The following FAF1 variants were observed in gnomAD, a reference collection of about 807,000 sequenced individuals.
FAF1 encodes the protein FAS-associated factor 1.
A neutral mutation model predicts 92.5 loss-of-function variants in FAF1; 25 were observed. The observed-to-expected ratio is 0.27, with a 90% CI of 0.20 to 0.38. The LOEUF is 0.38. Ranked by LOEUF, FAF1 falls within the 10% of genes least tolerant of loss-of-function variation. The pLI, the probability that FAF1 is intolerant of heterozygous loss-of-function variation, is 1.00. For missense variants in FAF1, 636 were observed against 793.3 expected, an observed-to-expected ratio of 0.80 and a Z score of 2.38; for synonymous variants, 234 against 273.2, an observed-to-expected ratio of 0.86 and a Z score of 1.42.
chr1:50,620,496 T>C (rs1329727878), intron 8 of FAF1, among the ~76,000 whole-genome samples: 3 of 152,248 alleles, frequency 2.0e-5, no homozygotes, highest in Non-Finnish European at 4.4e-5. Context: ...GTTTCAATTT[T>C]CTCCTGAATC....
At chr1:50,520,814 CA>C (rs1165168295) in intron 15 of FAF1, among the ~76,000 whole-genome samples, 1 of 152,146 alleles carries the variant, frequency 6.6e-6, no homozygotes, top group Admixed American at 6.5e-5. Flanking sequence ...CACTGCACTC[CA>C]GCATGAGCAA....
At chr1:50,842,273 T>C (rs1644262126) in intron 2 of FAF1, among the ~76,000 whole-genome samples, 1 of 151,934 alleles carries the variant, frequency 6.6e-6, no homozygotes. Context: ...GCCCAAATGG[T>C]GTAAGGGAGG....
At chr1:50,954,291 T>C (rs1481131190) in intron 1 of FAF1, among the ~76,000 whole-genome samples, 1 of 152,166 alleles carries the variant, frequency 6.6e-6, no homozygotes, top group Admixed American at 6.5e-5. Context: ...ATATTACTAC[T>C]AGTGAGAGTT....
At chr1:50,519,658 GAAATATCT>G (rs1647404027) in intron 15 of FAF1, among the ~76,000 whole-genome samples, 1 of 152,152 alleles carries the variant, frequency 6.6e-6, no homozygotes, top group Non-Finnish European at 1.5e-5. Flanking sequence ...TTGTTAAAGT[GAAATATCT>G]AATCTGAAAT....
At chr1:50,572,792 G>C (rs1650506575) in intron 12 of FAF1, among the ~76,000 whole-genome samples, 1 of 152,200 alleles carries the variant, frequency 6.6e-6, no homozygotes, top group Non-Finnish European at 1.5e-5. Context: ...GTAATGAGTA[G>C]TAATAGAGGA....
intron 12 of FAF1, among the ~76,000 whole-genome samples, chr1:50,581,985 G>C (rs745451022): frequency 2.0e-5 from 3 of 147,922 alleles, no homozygotes; most frequent in Non-Finnish European, 4.4e-5. Context: ...CTTGTTATGG[G>C]CTTCTTCTTA....
chr1:50,615,704 T>C (rs1652884320), intron 8 of FAF1, among the ~76,000 whole-genome samples: 1 of 152,208 alleles, frequency 6.6e-6, no homozygotes, highest in Non-Finnish European at 1.5e-5. Flanking sequence ...CATTTTTTAA[T>C]GGGCTTGTTT....
chr1:50,630,826 A>ATTTTTT (rs1471050080), intron 8 of FAF1, among the ~76,000 whole-genome samples: 10 of 125,344 alleles, frequency 8.0e-5, no homozygotes, highest in East Asian at 2.1e-4. Context: ...AGTGTATCAT[A>ATTTTTT]TCTTTTTTTT....
chr1:50,506,908 C>T (rs912473873), intron 15 of FAF1, among the ~76,000 whole-genome samples: 29 of 152,162 alleles, frequency 1.9e-4, no homozygotes, highest in African/African-American at 7.0e-4. Flanking sequence ...AATGTTCTTG[C>T]TTTACCTTCT....
chr1:50,504,236 T>C (rs981909565), intron 15 of FAF1, among the ~76,000 whole-genome samples: 1 of 151,212 alleles, frequency 6.6e-6, no homozygotes, highest in Non-Finnish European at 1.5e-5. Flanking sequence ...ATGTGGAAGA[T>C]ACAGTCAAGA....
chr1:50,781,598 T>C (rs1661181925), intron 4 of FAF1, among the ~76,000 whole-genome samples: 1 of 152,106 alleles, frequency 6.6e-6, no homozygotes, highest in Non-Finnish European at 1.5e-5. Context: ...AATAGAAATA[T>C]CCAGACCAGA....
intron 4 of FAF1, among the ~76,000 whole-genome samples, chr1:50,749,269 C>T (rs1301609924): frequency 6.6e-6 from 1 of 152,166 alleles, no homozygotes; most frequent in Non-Finnish European, 1.5e-5. Context: ...AACCAATCTC[C>T]AAGACCTGAC....
At chr1:50,913,459 C>A (rs1392394901) in intron 1 of FAF1, among the ~76,000 whole-genome samples, 7 of 152,168 alleles carry the variant, frequency 4.6e-5, no homozygotes, top group African/African-American at 1.7e-4. Context: ...AAAGCCACAA[C>A]ACCAAAGGGC....
At chr1:50,799,497 C>T (rs1234367034) in intron 3 of FAF1, among the ~76,000 whole-genome samples, 1 of 151,582 alleles carries the variant, frequency 6.6e-6, no homozygotes, top group African/African-American at 2.4e-5. Context: ...ACTGGCTCTT[C>T]TTTCTCTTAA....
At chr1:50,759,322 C>A (rs1229578263) in intron 4 of FAF1, among the ~76,000 whole-genome samples, 1 of 129,476 alleles carries the variant, frequency 7.7e-6, no homozygotes, top group Admixed American at 8.7e-5. Flanking sequence ...CCACAACAGT[C>A]CCCAGAGTGT....
At chr1:50,770,206 CCT>C (rs1660727854) in intron 4 of FAF1, among the ~76,000 whole-genome samples, 1 of 152,106 alleles carries the variant, frequency 6.6e-6, no homozygotes, top group African/African-American at 2.4e-5. Flanking sequence ...AAAAGGATGC[CCT>C]CTCTCACCAC....
At chr1:50,910,857 C>T (rs955747023) in intron 1 of FAF1, among the ~76,000 whole-genome samples, 19 of 152,058 alleles carry the variant, frequency 1.2e-4, no homozygotes, top group Non-Finnish European at 1.5e-4. Context: ...CGCCCTGCTT[C>T]GGCTCACACT....
intron 4 of FAF1, among the ~76,000 whole-genome samples, chr1:50,776,340 T>A (rs1660959057): frequency 6.6e-6 from 1 of 152,192 alleles, no homozygotes; most frequent in Non-Finnish European, 1.5e-5. Flanking sequence ...ATGTATCTAC[T>A]CCTGCTTCTA....
intron 2 of FAF1, among the ~76,000 whole-genome samples, chr1:50,824,369 A>G (rs1644073194): frequency 1.3e-5 from 2 of 152,142 alleles, no homozygotes; most frequent in Non-Finnish European, 2.9e-5. Context: ...TAGTTATTAT[A>G]CTGATCATTC....
Sources: gnomAD v4.1 joint callset for allele counts (sites outside exome capture counted in the v4.1 genomes callset) on GRCh38, gnomAD v4.1.1 for gene constraint, MANE v1.5 for transcripts, NCBI Gene and HGNC (gene_info 2026-07-23, HGNC 2026-07-21) for gene names.